PCDHA11: variants seen among roughly 807,000 people sequenced by gnomAD.
PCDHA11 encodes protocadherin alpha 11, also known as protocadherin alpha-11.
A neutral mutation model predicts 70.3 loss-of-function variants in PCDHA11; 61 were observed. The observed-to-expected ratio is 0.87, with a 90% confidence interval of 0.71 to 1.07. The LOEUF is 1.07. PCDHA11 is among the 50% of genes least tolerant of loss of function. The pLI is 0.00. For missense variants in PCDHA11, 1,324 were observed against 1,237.5 expected, an observed-to-expected ratio of 1.07 and a Z score of -1.05; for synonymous variants, 633 against 555.1, an observed-to-expected ratio of 1.14 and a Z score of -1.97.
Position 140,881,340 on chromosome 5 carries a change from CG to C in PCDHA11, c.2391+9849del, listed in dbSNP as rs1453642152. Reference sequence around the variant, plus strand: ...ATTCTATTTAACCAGGACGCCGATTCGGGCTACAATGCGTGGCTTTCGTATG... The same window carrying C: ...ATTCTATTTAACCAGGACGCCGATTCGGCTACAATGCGTGGCTTTCGTATG... On this transcript the variant is annotated intron_variant, in intron 1 of 3. Coordinates refer to ENST00000398640, the MANE Select transcript of PCDHA11 (RefSeq NM_018902.5). The C allele has an allele frequency of 3.0e-6, 3 of 984,934 alleles. No individual in the cohort carries two copies. The African/African-American group carries it at 5.2e-5, about 17-fold the overall frequency. The allele number at this position is 984,934 out of a possible 1,614,324, so 61.0% of individuals were successfully genotyped here. A position where few individuals can be genotyped will look rare whatever the true frequency, so the allele number is the denominator to read the frequency against.
At chr5:140,985,999 A>G (rs932659753) in intron 3 of PCDHA11, among the ~76,000 whole-genome samples, 10 of 152,104 alleles carry the variant, frequency 6.6e-5, no homozygotes, top group Non-Finnish European at 1.5e-4. Flanking sequence ...TCAGCCTCCC[A>G]AAGTGCTGGG....
chr5:140,968,866 A>C, intron 1 of PCDHA11: 1 of 1,614,230 alleles, frequency 6.2e-7, no homozygotes, highest in Non-Finnish European at 8.5e-7. Context: ...GCCCTCGGAC[A>C]TACTCTGAAA....
At chr5:140,966,314 G>C (rs1255868901) in intron 1 of PCDHA11, 2 of 388,054 alleles carry the variant, frequency 5.2e-6, no homozygotes, top group Middle Eastern at 6.5e-4. Flanking sequence ...GTGTTCCTGC[G>C]GTCCGCTGGG....
chr5:140,906,120 A>C (rs1554192404), intron 1 of PCDHA11, among the ~76,000 whole-genome samples: 1 of 152,134 alleles, frequency 6.6e-6, no homozygotes, highest in East Asian at 1.9e-4. Flanking sequence ...CCACTGACAC[A>C]AATGTTAGTC....
chr5:140,984,960 CAG>C (rs1387655082), intron 3 of PCDHA11, among the ~76,000 whole-genome samples: 2 of 151,386 alleles, frequency 1.3e-5, no homozygotes, highest in African/African-American at 4.9e-5. Context: ...TTTTTTGAGA[CAG>C]AGTCTCGCTC....
chr5:140,879,557 T>C (rs1554170871), intron 1 of PCDHA11, among the ~76,000 whole-genome samples: 1 of 152,152 alleles, frequency 6.6e-6, no homozygotes, highest in Non-Finnish European at 1.5e-5. Flanking sequence ...AAATAATCCA[T>C]GAAAGAATAA....
At chr5:140,886,631 G>T (rs1314948402) in intron 1 of PCDHA11, among the ~76,000 whole-genome samples, 1 of 151,860 alleles carries the variant, frequency 6.6e-6, no homozygotes. Context: ...TCCGAGACCA[G>T]CCTGGCCAAC....
intron 1 of PCDHA11, chr5:140,877,685 C>G (rs377753884): frequency 5.0e-6 from 8 of 1,613,628 alleles, no homozygotes; most frequent in African/African-American, 2.7e-5. Flanking sequence ...GGCAAGCCCA[C>G]GCTGGTGTGC....
Position 140,876,739 on chromosome 5 carries a change from C to T in PCDHA11, c.2391+5245C>T, listed in dbSNP as rs782400807. The T allele has an allele frequency of 7.4e-6, 12 of 1,614,126 alleles. No homozygotes were observed. The South Asian group carries it at 1.1e-4, about 15-fold the overall frequency. ...CCGCGAGAGCGTGTCGGCCTATGAG[C>T]TGGTGGTGACTGCGCGGGATGGGGG... On this transcript the variant is annotated intron_variant, in intron 1 of 3. Coordinates refer to ENST00000398640, the MANE Select transcript of PCDHA11 (RefSeq NM_018902.5).
rs2098418669 is a variant in PCDHA11 at position 141,010,882 on chromosome 5, G to C, written c.*945G>C. On this transcript the variant is annotated 3_prime_UTR_variant, in exon 4 of 4. Transcript: ENST00000398640. ...GTCTATAGCTATAAATCTTTAAAGAGAAATATGAATACAATTCCCCTAAAC... is the reference window on the plus strand; with the variant it reads ...GTCTATAGCTATAAATCTTTAAAGACAAATATGAATACAATTCCCCTAAAC... The C allele has an allele frequency of 6.5e-6, 1 of 153,674 alleles. No homozygotes were observed. The allele number at this position is 153,674 out of a possible 1,614,324, so 9.5% of individuals were successfully genotyped here.
At chr5:140,948,857 T>C (rs1554218731) in intron 1 of PCDHA11, among the ~76,000 whole-genome samples, 2 of 151,686 alleles carry the variant, frequency 1.3e-5, no homozygotes. Flanking sequence ...TGCCTTCTTA[T>C]ATTACTTCGG....
rs1430137096 is a variant in PCDHA11, at chr5:140,871,495, G to A, written c.2391+1G>A. On this transcript the variant is annotated splice_donor_variant, in intron 1 of 3. Transcript: ENST00000398640. LOFTEE classifies it high-confidence loss of function. ...GCCAGGGTCAAATCACCCCGGACAG[G>A]TGAGTTTTCTACAGATTCCACCTAT... 5 of 1,588,092 alleles carry A rather than the reference G, an allele frequency of 3.1e-6. No homozygotes were observed. The African/African-American group carries it at 6.7e-5, about 21-fold the overall frequency.
intron 3 of PCDHA11, among the ~76,000 whole-genome samples, chr5:140,992,803 G>A (rs2097529196): frequency 6.6e-6 from 1 of 152,146 alleles, no homozygotes; most frequent in African/African-American, 2.4e-5. Context: ...GGATCCATAT[G>A]TATCTAAGGA....
At chr5:140,893,510 G>A (rs1554185640) in intron 1 of PCDHA11, among the ~76,000 whole-genome samples, 1 of 152,148 alleles carries the variant, frequency 6.6e-6, no homozygotes, top group African/African-American at 2.4e-5. Flanking sequence ...AAAAAAAGCA[G>A]TTGTAGAACT....
chr5:140,938,014 T>C (rs1554211943), intron 1 of PCDHA11, among the ~76,000 whole-genome samples: 6 of 152,220 alleles, frequency 3.9e-5, no homozygotes. Context: ...TCTTGCTAAA[T>C]AGTAAAATCT....
At chr5:140,909,927 TCA>T (rs781847647) in intron 1 of PCDHA11, among the ~76,000 whole-genome samples, 6 of 152,150 alleles carry the variant, frequency 3.9e-5, no homozygotes, top group African/African-American at 9.7e-5. Flanking sequence ...CTTTCCCCAA[TCA>T]CAGTTACTCT....
At chr5:140,884,230 CG>C in intron 1 of PCDHA11, 2 of 1,613,384 alleles carry the variant, frequency 1.2e-6, no homozygotes, top group Non-Finnish European at 1.7e-6. Flanking sequence ...TGAAGGACCA[CG>C]GTGAGCCCGC....
At chr5:141,007,535 T>C (rs1588169762) in intron 3 of PCDHA11, among the ~76,000 whole-genome samples, 1 of 152,050 alleles carries the variant, frequency 6.6e-6, no homozygotes, top group South Asian at 2.1e-4. Context: ...GCCACTGCAC[T>C]CCAGCTTGGG....
intron 1 of PCDHA11, among the ~76,000 whole-genome samples, chr5:140,946,634 A>ATAT (rs1554217761): frequency 1.4e-5 from 2 of 147,350 alleles, no homozygotes; most frequent in Non-Finnish European, 3.0e-5. Context: ...ATATATATAC[A>ATAT]ATGGAATACT....
Sources: allele counts gnomAD v4.1 joint callset (sites outside exome capture counted in the v4.1 genomes callset), GRCh38; gene constraint gnomAD v4.1.1; transcripts MANE v1.5; gene names NCBI Gene and HGNC (gene_info 2026-07-23, HGNC 2026-07-21).